SHROOM4: variants seen among roughly 807,000 people sequenced by gnomAD.
SHROOM4 encodes shroom family member 4.
SHROOM4 carries 17 observed loss-of-function variants against 80.3 expected under a neutral mutation model. That is an observed-to-expected ratio of 0.21 (90% CI 0.14 to 0.32). SHROOM4 has a LOEUF of 0.32. SHROOM4 is among the 10% of genes least tolerant of loss of function. SHROOM4 has a pLI of 1.00. For missense variants in SHROOM4, 993 were observed against 1,140.3 expected, an observed-to-expected ratio of 0.87 and a Z score of 1.86; for synonymous variants, 400 against 437.5, an observed-to-expected ratio of 0.91 and a Z score of 1.07.
intron 2 of SHROOM4, among the ~76,000 whole-genome samples, chrX:50,668,200 C>G (rs782550542): frequency 1.2e-4 from 13 of 112,048 alleles, no homozygotes; most frequent in Admixed American, 9.4e-4. Flanking sequence ...CATAGGCATC[C>G]GCTCCCCGCT....
At chrX:50,694,185 T>C (rs782317612) in intron 2 of SHROOM4, among the ~76,000 whole-genome samples, 2 of 111,337 alleles carry the variant, frequency 1.8e-5, no homozygotes, top group South Asian at 7.6e-4. Flanking sequence ...GGTGCAGATA[T>C]CTCTTTTATA....
In SHROOM4 at chrX:50,602,670, C is replaced by T. The variant is rs1929483568; in HGVS notation, c.3905G>A (p.Gly1302Glu). The change falls in exon 7 of 9, where the codon GGA (glycine) becomes GAA (glutamate). Residue 1302 changes from glycine (G) to glutamate (E), a missense_variant. Transcript: ENST00000376020. ...CAGTTCATGGTCAACTTCCTCCTCT[C>T]CTAGGCCAATCTCTGCCATCTCAGG... ...DQPEMAEIGLGEEEVDHELAQ... is the reference protein window; with the variant it reads ...DQPEMAEIGLEEEEVDHELAQ... The T allele has an allele frequency of 2.5e-6, 3 of 1,211,690 alleles. No homozygotes were observed. The highest frequency in any genetic ancestry group is 2.2e-6 in the Non-Finnish European group (2 of 895,557).
intron 1 of SHROOM4, among the ~76,000 whole-genome samples, chrX:50,751,860 G>C (rs542339382): frequency 8.9e-6 from 1 of 111,798 alleles, no homozygotes; most frequent in East Asian, 2.8e-4. Context: ...CCCCACTCCC[G>C]AGCTAGCTAT....
At chrX:50,654,971 C>T (rs1932248258) in intron 2 of SHROOM4, among the ~76,000 whole-genome samples, 1 of 102,684 alleles carries the variant, frequency 9.7e-6, no homozygotes, top group South Asian at 4.7e-4. Flanking sequence ...TCCCAGTGTC[C>T]ATTGTTGCCA....
intron 2 of SHROOM4, among the ~76,000 whole-genome samples, chrX:50,650,424 C>G (rs1557258507): frequency 1.8e-5 from 2 of 111,790 alleles, no homozygotes; most frequent in African/African-American, 6.5e-5. Context: ...GATCTTGGCT[C>G]ACTGCAACCT....
intron 5 of SHROOM4, among the ~76,000 whole-genome samples, chrX:50,627,150 T>G (rs1930835292): frequency 8.9e-6 from 1 of 111,743 alleles, no homozygotes; most frequent in Admixed American, 9.5e-5. Flanking sequence ...AATACATACT[T>G]GTAAAATGAT....
intron 1 of SHROOM4, among the ~76,000 whole-genome samples, chrX:50,701,649 T>G (rs1375941872): frequency 1.8e-5 from 2 of 112,102 alleles, no homozygotes; most frequent in African/African-American, 6.5e-5. Context: ...TAATATTTAA[T>G]ATTGGTGATA....
intron 2 of SHROOM4, among the ~76,000 whole-genome samples, chrX:50,678,072 A>G (rs55660620): frequency 0.024 from 2,732 of 111,878 alleles, 39 homozygotes; most frequent in Middle Eastern, 0.046. Context: ...GGAACAGAGC[A>G]AAACCACTCC....
chrX:50,631,624 T>A (rs1931071330), intron 4 of SHROOM4, among the ~76,000 whole-genome samples: 1 of 112,159 alleles, frequency 8.9e-6, no homozygotes, highest in Non-Finnish European at 1.9e-5. Context: ...TGTTTTATAA[T>A]CCACCAAAAA....
chrX:50,628,093 T>C (rs1341583857), intron 4 of SHROOM4, among the ~76,000 whole-genome samples: 1 of 111,930 alleles, frequency 8.9e-6, no homozygotes, highest in Non-Finnish European at 1.9e-5. Flanking sequence ...AAGCATCTAC[T>C]TGGAAGCCCT....
intron 7 of SHROOM4, among the ~76,000 whole-genome samples, chrX:50,602,396 T>C (rs1233687879): frequency 9.0e-6 from 1 of 111,445 alleles, no homozygotes; most frequent in Non-Finnish European, 1.9e-5. Flanking sequence ...CCAGCCCTTG[T>C]TGGGTTGTTC....
chrX:50,743,340 GAGA>G (rs1446189579), intron 1 of SHROOM4, among the ~76,000 whole-genome samples: 1 of 111,597 alleles, frequency 9.0e-6, no homozygotes, highest in African/African-American at 3.3e-5. Flanking sequence ...AGAGAAGAGG[GAGA>G]AGGAATATGT....
In SHROOM4 at chrX:50,589,937, CTTGTTA is replaced by C. The variant is rs1473042295; in HGVS notation, c.*6752_*6757del. ...CAATTTCTTCATTTCCTCACCAACACTTGTTATTGTTTGGCTTTTTGATATAGCTAT... is the reference window on the plus strand; with the variant it reads ...CAATTTCTTCATTTCCTCACCAACACTTGTTTGGCTTTTTGATATAGCTAT... On this transcript the variant is annotated 3_prime_UTR_variant, in exon 9 of 9. Coordinates refer to ENST00000376020, the MANE Select transcript of SHROOM4 (RefSeq NM_020717.5). Among the ~76,000 whole-genome samples the C allele has an allele frequency of 8.9e-6, 1 of 112,251 alleles. No homozygotes were observed. Among genetic ancestry groups the C allele is most frequent in the Non-Finnish European group, 1.9e-5 (1 of 53,288 alleles).
intron 3 of SHROOM4, 123 bp from the exon 4 acceptor site, chrX:50,635,791 A>AG (rs58026425): frequency 4.5e-6 from 2 of 442,641 alleles, no homozygotes; most frequent in Non-Finnish European, 7.5e-6. Context: ...AAAAAAAAAA[A>AG]GGGGGAAGAA....
intron 1 of SHROOM4, among the ~76,000 whole-genome samples, chrX:50,786,430 C>T (rs1355605272): frequency 2.7e-5 from 3 of 111,874 alleles, no homozygotes; most frequent in African/African-American, 6.5e-5. Context: ...AGTTGGACCA[C>T]GTGTCCCGTG....
chrX:50,672,116 A>G (rs1267568393), intron 2 of SHROOM4, among the ~76,000 whole-genome samples: 1 of 112,345 alleles, frequency 8.9e-6, no homozygotes, highest in Non-Finnish European at 1.9e-5. Context: ...ACAGTTTGAC[A>G]TCAATTCAGT....
downstream of SHROOM4, among the ~76,000 whole-genome samples, chrX:50,586,776 A>G (rs2147189601): frequency 8.9e-6 from 1 of 112,386 alleles, no homozygotes; most frequent in South Asian, 3.7e-4. Context: ...TCTCATCACA[A>G]ATCCTATGGA....
chrX:50,756,659 A>G (rs1400493051), intron 1 of SHROOM4, among the ~76,000 whole-genome samples: 1 of 112,044 alleles, frequency 8.9e-6, no homozygotes, highest in Non-Finnish European at 1.9e-5. Context: ...GACAACACTT[A>G]TTTTTGTCTA....
At chrX:50,624,460 C>A (rs1226198537) in intron 5 of SHROOM4, among the ~76,000 whole-genome samples, 1 of 111,118 alleles carries the variant, frequency 9.0e-6, no homozygotes, top group Non-Finnish European at 1.9e-5. Context: ...TTGAAAGACT[C>A]AACTTGTATC....
Sources: gnomAD v4.1 joint callset for allele counts (sites outside exome capture counted in the v4.1 genomes callset) on GRCh38, gnomAD v4.1.1 for gene constraint, MANE v1.5 for transcripts, NCBI Gene and HGNC (gene_info 2026-07-23, HGNC 2026-07-21) for gene names.